The following AP3S2 variants were observed in gnomAD, a reference collection of about 807,000 sequenced individuals.
AP3S2 encodes the protein adaptor related protein complex 3 subunit sigma 2.
Under a neutral mutation model 23.4 loss-of-function variants are expected in AP3S2, and 22 were observed. The ratio of observed to expected loss-of-function variants is 0.94; its 90% CI spans 0.67 to 1.34. The LOEUF (loss-of-function observed/expected upper bound fraction) is 1.34. Ranked by LOEUF, AP3S2 falls within the 40% of genes most tolerant of loss-of-function variation. The pLI, the probability that AP3S2 is intolerant of heterozygous loss-of-function variation, is 0.00. For missense variants in AP3S2, 241 were observed against 236.9 expected (o/e 1.02, Z -0.11); for synonymous variants, 86 against 87.1 (o/e 0.99, Z 0.07).
In AP3S2 at chr15:89,893,980, C is replaced by G. The variant is rs888153948; in HGVS notation, c.-31G>C. On this transcript the variant is annotated 5_prime_UTR_variant, in exon 1 of 6. Transcript: ENST00000336418. Reference sequence around the variant, plus strand: ...CCAGCCACGGTTCTCTCAGCACCGGCTACTCCCAGAAAGCTCCTCCTTCCG... The same window carrying G: ...CCAGCCACGGTTCTCTCAGCACCGGGTACTCCCAGAAAGCTCCTCCTTCCG... 3.9e-6 allele frequency: 6 copies of G among 1,547,590 alleles called. No individual in the cohort carries two copies. Among genetic ancestry groups the G allele is most frequent in the Admixed American group, 3.9e-5 (2 of 50,958 alleles).
intron 3 of AP3S2, chr15:89,877,441 G>GT (rs1438082176): frequency 4.0e-6 from 5 of 1,254,718 alleles, no homozygotes; most frequent in Non-Finnish European, 5.2e-6. Context: ...TAAAATACAC[G>GT]TAACATAAAA....
chr15:89,857,848 T>C (rs1895877447), intron 4 of AP3S2, among the ~76,000 whole-genome samples: 2 of 152,278 alleles, frequency 1.3e-5, no homozygotes, highest in South Asian at 4.1e-4. Flanking sequence ...TCCCCATCCC[T>C]TGGGTGGGAG....
chr15:89,863,723 A>T (rs554266503), intron 4 of AP3S2, among the ~76,000 whole-genome samples: 1 of 152,340 alleles, frequency 6.6e-6, no homozygotes, highest in Non-Finnish European at 1.5e-5. Context: ...GTGATGGGGC[A>T]TCTATCCATG....
intron 4 of AP3S2, among the ~76,000 whole-genome samples, chr15:89,843,109 T>G (rs1337107376): frequency 7.6e-6 from 1 of 131,514 alleles, no homozygotes; most frequent in East Asian, 2.9e-4. Flanking sequence ...TTCAGCCTCC[T>G]GAGTAGCTGG....
rs557972671 is a variant in AP3S2, at chr15:89,836,946, G to T, written c.453+669C>A. Among the ~76,000 whole-genome samples, 7 of 152,318 alleles carry T rather than the reference G, an allele frequency of 4.6e-5. No homozygotes were observed. In the East Asian group the frequency reaches 1.3e-3, roughly 29 times the overall value. On this transcript the variant is annotated intron_variant, in intron 5 of 5. Transcript: ENST00000336418. ...TTAAGACACTCAGATAATTAAAGAGGTAATTTGTTCTGCTATTTCTGCATG... is the reference window on the plus strand; with the variant it reads ...TTAAGACACTCAGATAATTAAAGAGTTAATTTGTTCTGCTATTTCTGCATG...
chr15:89,850,029 T>G (rs1223665099), intron 4 of AP3S2, among the ~76,000 whole-genome samples: 1 of 152,202 alleles, frequency 6.6e-6, no homozygotes, highest in Admixed American at 6.5e-5. Flanking sequence ...TATGGCTGCA[T>G]AGTATTTCAT....
chr15:89,846,269 T>C (rs933282654), intron 4 of AP3S2, among the ~76,000 whole-genome samples: 2 of 152,200 alleles, frequency 1.3e-5, no homozygotes, highest in East Asian at 1.9e-4. Context: ...ATGAGTACTG[T>C]AGTCAAAATG....
chr15:89,872,049 G>A (rs1896331174), intron 3 of AP3S2, among the ~76,000 whole-genome samples: 2 of 151,526 alleles, frequency 1.3e-5, no homozygotes, highest in African/African-American at 4.9e-5. Context: ...ATCATTTGAG[G>A]TGGAGGTTGC....
chr15:89,854,576 G>A (rs1428431533), intron 4 of AP3S2, among the ~76,000 whole-genome samples: 4 of 90,622 alleles, frequency 4.4e-5, no homozygotes, highest in African/African-American at 1.3e-4. Context: ...AGGTGGGGGG[G>A]GTCAGCACCC....
intron 3 of AP3S2, among the ~76,000 whole-genome samples, chr15:89,873,574 T>C (rs1896370884): frequency 6.6e-6 from 1 of 152,218 alleles, no homozygotes; most frequent in African/African-American, 2.4e-5. Context: ...CGTGAGCCAC[T>C]GTGCCCGGCC....
intron 5 of AP3S2, among the ~76,000 whole-genome samples, chr15:89,837,297 G>C (rs1413956808): frequency 6.6e-6 from 1 of 152,186 alleles, no homozygotes; most frequent in African/African-American, 2.4e-5. Flanking sequence ...CAGGGAACGA[G>C]TGGCTTTCAA....
intron 4 of AP3S2, among the ~76,000 whole-genome samples, chr15:89,867,457 C>G (rs1443007873): frequency 1.3e-5 from 2 of 150,216 alleles, no homozygotes; most frequent in Admixed American, 1.3e-4. Context: ...TGAGGAGTGT[C>G]TCTGCCTGGC....
intron 3 of AP3S2, among the ~76,000 whole-genome samples, chr15:89,876,092 A>C (rs143778555): frequency 3.3e-5 from 5 of 152,324 alleles, no homozygotes; most frequent in Non-Finnish European, 7.3e-5. Context: ...CCAGAAGCAG[A>C]GAGAAGAACG....
chr15:89,833,206 G>C lies in AP3S2; in HGVS notation c.*2309C>G, dbSNP rs1895117551. 6.6e-6 allele frequency: 1 copy of C among 152,184 alleles called. No individual in the cohort carries two copies. Among genetic ancestry groups the C allele is most frequent in the Non-Finnish European group, 1.5e-5 (1 of 68,046 alleles). 9.4% of individuals were successfully genotyped at this position (152,184 alleles called of 1,614,324 possible). A position where few individuals can be genotyped will look rare whatever the true frequency, so the allele number is the denominator to read the frequency against. On this transcript the variant is annotated 3_prime_UTR_variant, in exon 6 of 6. Coordinates refer to ENST00000336418, the MANE Select transcript of AP3S2 (RefSeq NM_005829.5). The stretch of plus-strand genomic sequence containing the variant: ...ACCTTGGGCTTCGGCTTCAACATCA[G>C]TTAAATGGAGGGACACAGACGACTC...
chr15:89,876,038 G>T (rs1028484814), intron 3 of AP3S2, among the ~76,000 whole-genome samples: 1 of 152,174 alleles, frequency 6.6e-6, no homozygotes, highest in Non-Finnish European at 1.5e-5. Flanking sequence ...TACAGGTCTC[G>T]TGAAAGGCAT....
intron 4 of AP3S2, among the ~76,000 whole-genome samples, chr15:89,855,353 A>C (rs1302245403): frequency 2.1e-4 from 20 of 97,544 alleles, no homozygotes; most frequent in South Asian, 3.4e-4. Context: ...GTCATCACCA[A>C]TCCCTAATCT....
intron 4 of AP3S2, among the ~76,000 whole-genome samples, chr15:89,845,106 C>T (rs1230425024): frequency 3.3e-5 from 5 of 151,566 alleles, no homozygotes; most frequent in African/African-American, 1.2e-4. Flanking sequence ...GAGGTTTTAC[C>T]ATGTTGCCCA....
chr15:89,873,727 C>T (rs1242081160), intron 3 of AP3S2, among the ~76,000 whole-genome samples: 1 of 151,954 alleles, frequency 6.6e-6, no homozygotes, highest in Non-Finnish European at 1.5e-5. Context: ...TTCTAAGAGA[C>T]CATTTTGTTC....
intron 2 of AP3S2, 81 bp downstream of exon 2, chr15:89,888,968 C>A: frequency 6.5e-7 from 1 of 1,534,936 alleles, no homozygotes; most frequent in East Asian, 2.3e-5. Context: ...CCACCTGACA[C>A]TTGAGTACTG....
Sources: gnomAD v4.1 joint callset for allele counts (sites outside exome capture counted in the v4.1 genomes callset) on GRCh38, gnomAD v4.1.1 for gene constraint, MANE v1.5 for transcripts, NCBI Gene and HGNC (gene_info 2026-07-23, HGNC 2026-07-21) for gene names.